The following ZNF407 variants were observed in gnomAD, a reference collection of about 807,000 sequenced individuals.
ZNF407 encodes the protein zinc finger protein 407.
A neutral mutation model predicts 131.2 loss-of-function variants in ZNF407; 17 were observed. The ratio of observed to expected loss-of-function variants is 0.13; its 90% CI spans 0.09 to 0.19. The LOEUF (loss-of-function observed/expected upper bound fraction) is 0.19. Among genes scored for constraint, ZNF407 ranks in the 10% least tolerant of loss-of-function variants. The probability of loss-of-function intolerance (pLI) is 1.00; values close to 1 mark genes in which losing one functional copy is unlikely to be tolerated. For missense variants in ZNF407, 2,681 were observed against 2,830.6 expected (o/e 0.95, Z 1.20); for synonymous variants, 1,156 against 1,062.0 (o/e 1.09, Z -1.72).
At position 74,651,562 on chromosome 18, in the gene ZNF407, CAG is replaced by C. The variant is rs372946561; in HGVS notation, c.4802+10444_4802+10445del. Reference sequence around the variant, plus strand: ...TGTATTTTCTGTTGACAGTCATCGACAGAGAATATTTGGCAGTCAGAAGTAAT... The same window carrying C: ...TGTATTTTCTGTTGACAGTCATCGACAGAATATTTGGCAGTCAGAAGTAAT... On this transcript the variant is annotated intron_variant, in intron 3 of 8. Coordinates refer to ENST00000299687, the MANE Select transcript of ZNF407 (RefSeq NM_017757.3). Among the ~76,000 whole-genome samples the C allele has an allele frequency of 4.0e-4, 61 of 152,060 alleles. No individual in the cohort carries two copies. The East Asian group carries it at 0.01, about 25-fold the overall frequency.
chr18:74,924,573 A>G (rs1971888070), intron 8 of ZNF407, among the ~76,000 whole-genome samples: 1 of 152,136 alleles, frequency 6.6e-6, no homozygotes, highest in African/African-American at 2.4e-5. Context: ...GCCCATCCAT[A>G]AATAAGCTTG....
At chr18:74,999,886 G>A (rs191583882) in intron 8 of ZNF407, among the ~76,000 whole-genome samples, 1 of 152,274 alleles carries the variant, frequency 6.6e-6, no homozygotes, top group Non-Finnish European at 1.5e-5. Flanking sequence ...AGGTCTGAGG[G>A]CATGAATCTG....
At chr18:74,620,378 T>C (rs952670856) in intron 1 of ZNF407, among the ~76,000 whole-genome samples, 1 of 152,214 alleles carries the variant, frequency 6.6e-6, no homozygotes, top group Non-Finnish European at 1.5e-5. Flanking sequence ...TCTTTGATAA[T>C]GAAAGGAATG....
chr18:74,618,096 A>T (rs1471978427), intron 1 of ZNF407, among the ~76,000 whole-genome samples: 1 of 152,098 alleles, frequency 6.6e-6, no homozygotes, highest in Admixed American at 6.6e-5. Flanking sequence ...GTTTAATGGG[A>T]CCGCATTATT....
chr18:74,635,437 A>G lies in ZNF407; in HGVS notation c.4418A>G (p.Gln1473Arg). 2 of 1,613,700 alleles carry G rather than the reference A, an allele frequency of 1.2e-6. No homozygotes were observed. Among genetic ancestry groups the G allele is most frequent in the Non-Finnish European group, 1.7e-6 (2 of 1,179,724 alleles). The part of the protein sequence containing the change: ...LASAGHMRNE[Q>R]ASVEELPEGG... ...AGTGCCGGCCACATGAGAAATGAGC[A>G]GGCCAGTGTGGAGGAGCTTCCGGAG... is the stretch of plus-strand genomic sequence containing the variant. Residue 1473 changes from glutamine to arginine, a missense_variant, in exon 2 of 9, where the codon CAG becomes CGG. Physicochemically the swap from Gln to Arg is conservative, Grantham distance 43. Transcript: ENST00000299687. This position sits in a 1 kb window ranked among gnomAD's most constrained non-coding sequence, Gnocchi z 4.7.
intron 8 of ZNF407, among the ~76,000 whole-genome samples, chr18:74,954,627 C>A (rs56071025): frequency 6.6e-6 from 1 of 152,174 alleles, no homozygotes; most frequent in African/African-American, 2.4e-5. Flanking sequence ...TGTTACTAAG[C>A]AGTGAAGTTA....
chr18:74,682,865 C>T (rs1036818630), intron 3 of ZNF407, among the ~76,000 whole-genome samples: 3 of 152,230 alleles, frequency 2.0e-5, no homozygotes, highest in South Asian at 4.1e-4. Context: ...AGGGCGATTG[C>T]GCTTTGTTGT....
intron 7 of ZNF407, among the ~76,000 whole-genome samples, chr18:74,890,963 C>T (rs1381874592): frequency 6.6e-6 from 1 of 152,220 alleles, no homozygotes; most frequent in East Asian, 1.9e-4. Context: ...GTTCAGTGCA[C>T]TCACTTGCAT....
intron 7 of ZNF407, among the ~76,000 whole-genome samples, chr18:74,902,414 G>T (rs573371818): frequency 3.3e-5 from 5 of 152,184 alleles, no homozygotes; most frequent in Non-Finnish European, 5.9e-5. Context: ...GAGTCGAAGA[G>T]AATAGAAATG....
Position 74,633,130 on chromosome 18 carries a change from A to C in ZNF407, c.2111A>C (p.Gln704Pro). Residue 704 changes from glutamine (Q) to proline (P), a missense_variant, in exon 2 of 9, where the codon CAG becomes CCG. Gln to Pro is a moderately conservative substitution (Grantham distance 76). Coordinates refer to ENST00000299687, the MANE Select transcript of ZNF407 (RefSeq NM_017757.3). The part of the protein sequence containing the change: ...GNEVRHSSKP[Q>P]FQCKKCFYKT... ...GAAGTGAGGCATTCCAGTAAGCCTCAGTTTCAGTGTAAGAAGTGTTTTTAT... is the reference window on the plus strand; with the variant it reads ...GAAGTGAGGCATTCCAGTAAGCCTCCGTTTCAGTGTAAGAAGTGTTTTTAT... 1 of 1,613,264 alleles carries C rather than the reference A, an allele frequency of 6.2e-7. No homozygotes were observed. Among genetic ancestry groups the C allele is most frequent in the South Asian group, 1.1e-5 (1 of 90,870 alleles).
At chr18:75,029,922 A>G (rs995844237) in intron 8 of ZNF407, among the ~76,000 whole-genome samples, 1 of 152,234 alleles carries the variant, frequency 6.6e-6, no homozygotes, top group Non-Finnish European at 1.5e-5. Flanking sequence ...CAGAAACGTT[A>G]TGAAGAACGT....
At chr18:74,793,066 G>T (rs565086275) in intron 4 of ZNF407, among the ~76,000 whole-genome samples, 1 of 152,138 alleles carries the variant, frequency 6.6e-6, no homozygotes, top group Non-Finnish European at 1.5e-5. Context: ...TGAGTTGGGC[G>T]TGTTCAGAGA....
chr18:74,634,280 T>C lies in ZNF407; in HGVS notation c.3261T>C (p.Ser1087=). 3 of 1,614,060 alleles carry C rather than the reference T, an allele frequency of 1.9e-6. No homozygotes were observed. The highest frequency in any genetic ancestry group is 2.5e-6 in the Non-Finnish European group (3 of 1,179,902). Residue 1087 remains serine (S), a synonymous_variant, in exon 2 of 9, where the codon TCT becomes TCC. Coordinates refer to ENST00000299687, the MANE Select transcript of ZNF407 (RefSeq NM_017757.3). ...ACTCTGCTAATGTAGAAGCTGGTTC[T>C]GCAGACATGTCCAAAAACATCATTA... The part of the protein sequence containing the change: ...YLNSANVEAG[S]ADMSKNIIMP...
chr18:74,711,265 C>T (rs1407834336), intron 3 of ZNF407, among the ~76,000 whole-genome samples: 1 of 152,146 alleles, frequency 6.6e-6, no homozygotes, highest in Non-Finnish European at 1.5e-5. Flanking sequence ...TGTCCTCATC[C>T]CCGGCACCTG....
chr18:74,623,372 T>G (rs1202937695), intron 1 of ZNF407, among the ~76,000 whole-genome samples: 1 of 151,938 alleles, frequency 6.6e-6, no homozygotes, highest in Non-Finnish European at 1.5e-5. Context: ...GTCTGTGACT[T>G]TGGGTGTGTG....
At chr18:74,747,444 T>C (rs1968695329) in intron 3 of ZNF407, among the ~76,000 whole-genome samples, 1 of 152,156 alleles carries the variant, frequency 6.6e-6, no homozygotes, top group Non-Finnish European at 1.5e-5. Flanking sequence ...TATGGTTAAA[T>C]GTCATTTAGT....
At chr18:74,823,664 A>C (rs769404774) in intron 4 of ZNF407, among the ~76,000 whole-genome samples, 3 of 152,232 alleles carry the variant, frequency 2.0e-5, no homozygotes, top group Non-Finnish European at 4.4e-5. Context: ...AGAGCTAACT[A>C]TCGTAAATAT....
intron 3 of ZNF407, among the ~76,000 whole-genome samples, chr18:74,707,643 C>A (rs1255096647): frequency 6.6e-6 from 1 of 152,160 alleles, no homozygotes; most frequent in South Asian, 2.1e-4. Flanking sequence ...TCATTACTTT[C>A]TTTAGAAAGA....
At chr18:74,878,237 T>G (rs1210143105) in intron 5 of ZNF407, among the ~76,000 whole-genome samples, 1 of 152,190 alleles carries the variant, frequency 6.6e-6, no homozygotes, top group Non-Finnish European at 1.5e-5. Flanking sequence ...CTGTTTGATA[T>G]TTTTGTGGTC....
Sources: allele counts gnomAD v4.1 joint callset (sites outside exome capture counted in the v4.1 genomes callset), GRCh38; gene constraint gnomAD v4.1.1; non-coding constraint Gnocchi (gnomAD v3.1); transcripts MANE v1.5; gene names NCBI Gene and HGNC (gene_info 2026-07-23, HGNC 2026-07-21).